Variants in CADM2 observed in about 807,000 individuals in gnomAD.
CADM2 encodes the protein cell adhesion molecule 2.
A neutral mutation model predicts 49.8 loss-of-function variants in CADM2; 12 were observed. The ratio of observed to expected loss-of-function variants is 0.24; its 90% CI spans 0.15 to 0.39. CADM2 has a LOEUF of 0.39. CADM2 is among the 10% of genes least tolerant of loss of function. The probability of loss-of-function intolerance (pLI) is 1.00; values close to 1 mark genes in which losing one functional copy is unlikely to be tolerated. For synonymous variants in CADM2, 214 were observed against 175.4 expected (o/e 1.22, Z -1.74); for missense variants, 378 against 492.3 (o/e 0.77, Z 2.20).
intron 1 of CADM2, among the ~76,000 whole-genome samples, chr3:85,429,356 T>G (rs1175525196): frequency 6.6e-6 from 1 of 152,266 alleles, no homozygotes; most frequent in Admixed American, 6.5e-5. Flanking sequence ...ACTAGTTATG[T>G]TATGCAATGC....
At chr3:85,440,799 A>G (rs1019715950) in intron 1 of CADM2, among the ~76,000 whole-genome samples, 25 of 152,064 alleles carry the variant, frequency 1.6e-4, no homozygotes, top group African/African-American at 5.6e-4. Context: ...TCGAGCCAAT[A>G]TGGTGAAACC....
chr3:85,001,696 C>T (rs978637579), intron 1 of CADM2, among the ~76,000 whole-genome samples: 5 of 151,830 alleles, frequency 3.3e-5, no homozygotes, highest in Non-Finnish European at 5.9e-5. Context: ...AGATATGAAA[C>T]GCCTTCTAAG....
intron 1 of CADM2, among the ~76,000 whole-genome samples, chr3:85,448,332 CAAAAAAA>C (rs57338759): frequency 0.34 from 44,104 of 129,052 alleles, 7,473 homozygotes; most frequent in Non-Finnish European, 0.39. Flanking sequence ...GATTCCGTCT[CAAAAAAA>C]AAAAAAAAAA....
chr3:85,369,647 T>C (rs1425481334), intron 1 of CADM2, among the ~76,000 whole-genome samples: 1 of 152,142 alleles, frequency 6.6e-6, no homozygotes, highest in African/African-American at 2.4e-5. Flanking sequence ...AACTTAGACA[T>C]GGTAGATCTT....
chr3:86,065,513 G>T, intron 8 of CADM2, 92 bp from the exon 9 acceptor site: 1 of 1,328,502 alleles, frequency 7.5e-7, no homozygotes, highest in Non-Finnish European at 1.0e-6. Flanking sequence ...CAGAAATTGT[G>T]TTAATTTTCA....
intron 8 of CADM2, among the ~76,000 whole-genome samples, chr3:85,990,448 A>G (rs1728644716): frequency 6.6e-6 from 1 of 152,212 alleles, no homozygotes; most frequent in African/African-American, 2.4e-5. Flanking sequence ...TTATCTGGAC[A>G]TAACGCCATC....
At chr3:85,887,998 C>T (rs1713906038) in intron 5 of CADM2, among the ~76,000 whole-genome samples, 1 of 152,182 alleles carries the variant, frequency 6.6e-6, no homozygotes. Context: ...TCACATATTT[C>T]CTTTTGTGTG....
chr3:85,256,944 A>C (rs1461153765), intron 1 of CADM2, among the ~76,000 whole-genome samples: 3 of 152,166 alleles, frequency 2.0e-5, no homozygotes, highest in African/African-American at 7.2e-5. Context: ...AATGTATTTT[A>C]TTTAACCAAC....
intron 2 of CADM2, among the ~76,000 whole-genome samples, chr3:85,767,348 G>A (rs1322902030): frequency 2.0e-5 from 3 of 152,170 alleles, no homozygotes; most frequent in Admixed American, 2.0e-4. Context: ...AAATGATAAA[G>A]TGTGCTTAAG....
chr3:85,206,973 C>T (rs543920111), intron 1 of CADM2, among the ~76,000 whole-genome samples: 2 of 151,772 alleles, frequency 1.3e-5, no homozygotes, highest in Non-Finnish European at 2.9e-5. Context: ...AACCTCCCCC[C>T]CTTCAAAAAA....
At chr3:85,355,313 G>C (rs2031762924) in intron 1 of CADM2, among the ~76,000 whole-genome samples, 1 of 151,988 alleles carries the variant, frequency 6.6e-6, no homozygotes, top group Admixed American at 6.6e-5. Flanking sequence ...AATAATTTTG[G>C]TTAAAGGTTA....
intron 1 of CADM2, among the ~76,000 whole-genome samples, chr3:85,036,147 T>C (rs2035201310): frequency 6.6e-6 from 1 of 152,196 alleles, no homozygotes; most frequent in Admixed American, 6.5e-5. Flanking sequence ...TGCTTGGTTT[T>C]TGTTTGCTTG....
chr3:85,731,713 T>G (rs2067937425), intron 2 of CADM2, among the ~76,000 whole-genome samples: 2 of 152,020 alleles, frequency 1.3e-5, no homozygotes, highest in Admixed American at 6.6e-5. Flanking sequence ...TAGGTATATG[T>G]TTTTCTTTCA....
intron 3 of CADM2, among the ~76,000 whole-genome samples, chr3:85,866,823 A>G (rs1387046510): frequency 6.6e-6 from 1 of 152,106 alleles, no homozygotes; most frequent in Admixed American, 6.6e-5. Flanking sequence ...TATTTATTGT[A>G]CATATACATA....
chr3:85,964,812 A>T (rs1321982508), intron 8 of CADM2, among the ~76,000 whole-genome samples: 1 of 151,800 alleles, frequency 6.6e-6, no homozygotes, highest in African/African-American at 2.4e-5. Flanking sequence ...TGGTAGCCAT[A>T]ATTATACTAA....
chr3:85,343,766 A>G (rs1307231127), intron 1 of CADM2, among the ~76,000 whole-genome samples: 1 of 152,222 alleles, frequency 6.6e-6, no homozygotes, highest in East Asian at 1.9e-4. Context: ...GGAAAGCTTC[A>G]GAGAGGAAGC....
chr3:86,031,794 GAGTT>G (rs1257600604), intron 8 of CADM2, among the ~76,000 whole-genome samples: 1 of 151,712 alleles, frequency 6.6e-6, no homozygotes, highest in African/African-American at 2.4e-5. Context: ...AACAAAGCGA[GAGTT>G]AGAGTATTGG....
At chr3:85,421,395 T>C (rs1220757410) in intron 1 of CADM2, among the ~76,000 whole-genome samples, 1 of 152,194 alleles carries the variant, frequency 6.6e-6, no homozygotes, top group East Asian at 1.9e-4. Flanking sequence ...ATTTAAATTA[T>C]GGTTGTCATC....
At chr3:85,444,010 C>A (rs1344664148) in intron 1 of CADM2, among the ~76,000 whole-genome samples, 3 of 152,158 alleles carry the variant, frequency 2.0e-5, no homozygotes, top group African/African-American at 7.2e-5. Context: ...CTCAGTATTG[C>A]TGATTTCAGC....
Sources: allele counts gnomAD v4.1 joint callset (sites outside exome capture counted in the v4.1 genomes callset), GRCh38; gene constraint gnomAD v4.1.1; transcripts MANE v1.5; gene names NCBI Gene and HGNC (gene_info 2026-07-23, HGNC 2026-07-21).